AR: variants seen among roughly 807,000 people sequenced by gnomAD.
The protein encoded by AR is dihydrotestosterone receptor.
AR carries 8 observed loss-of-function variants against 53.9 expected under a neutral mutation model. The ratio of observed to expected loss-of-function variants is 0.15; its 90% CI spans 0.09 to 0.27. AR has a LOEUF of 0.27. Among genes scored for constraint, AR ranks in the 10% least tolerant of loss-of-function variants. The pLI is 1.00. For missense variants in AR, 639 were observed against 742.5 expected (o/e 0.86, Z 1.62); for synonymous variants, 359 against 316.4 (o/e 1.13, Z -1.43).
chrX:67,707,540 C>T (rs764490988), intron 3 of AR, among the ~76,000 whole-genome samples: 3 of 111,701 alleles, frequency 2.7e-5, no homozygotes, highest in Non-Finnish European at 5.6e-5. Context: ...TGTCTCTGCA[C>T]ATGAGATGGG....
At chrX:67,630,966 C>T (rs1423928138) in intron 1 of AR, among the ~76,000 whole-genome samples, 2 of 111,030 alleles carry the variant, frequency 1.8e-5, no homozygotes, top group Admixed American at 9.6e-5. Context: ...TGAATATTGG[C>T]CCCTACTCTC....
At chrX:67,620,302 G>A (rs1924311199) in intron 1 of AR, among the ~76,000 whole-genome samples, 1 of 109,485 alleles carries the variant, frequency 9.1e-6, no homozygotes, top group South Asian at 3.9e-4. Flanking sequence ...TTTTGGGTAA[G>A]GGCAAGTGGT....
At chrX:67,578,121 C>T (rs1339282960) in intron 1 of AR, among the ~76,000 whole-genome samples, 2 of 111,524 alleles carry the variant, frequency 1.8e-5, no homozygotes, top group Non-Finnish European at 3.8e-5. Context: ...AAGCTCTATA[C>T]TTTGTGTTGT....
intron 1 of AR, among the ~76,000 whole-genome samples, chrX:67,626,236 A>T (rs948302269): frequency 1.1e-4 from 12 of 110,164 alleles, no homozygotes; most frequent in African/African-American, 1.6e-4. Flanking sequence ...ACTTCGTAGC[A>T]TCTGGTAACC....
intron 5 of AR, among the ~76,000 whole-genome samples, 181 bp from the exon 6 acceptor site, chrX:67,721,652 A>G (rs1270578093): frequency 2.7e-5 from 3 of 111,787 alleles, no homozygotes; most frequent in Non-Finnish European, 3.8e-5. Context: ...CAGAGAGAGA[A>G]AAAAAACAAA....
At chrX:67,555,611 A>G (rs771797950) in intron 1 of AR, among the ~76,000 whole-genome samples, 7 of 112,463 alleles carry the variant, frequency 6.2e-5, no homozygotes, top group Non-Finnish European at 1.3e-4. Flanking sequence ...ATCCTGATGA[A>G]TTGCACAAAC....
chrX:67,575,462 TCGTATGATATG>T (rs1414700388), intron 1 of AR, among the ~76,000 whole-genome samples: 2 of 111,722 alleles, frequency 1.8e-5, no homozygotes, highest in Non-Finnish European at 3.8e-5. Context: ...CTGTATGGAA[TCGTATGATATG>T]CGGATACACC....
chrX:67,722,891 A>G lies in AR; in HGVS notation c.2514A>G (p.Glu838=), dbSNP rs923113068. The G allele has an allele frequency of 8.3e-7, 1 of 1,207,961 alleles. No homozygotes were observed. Among genetic ancestry groups the G allele is most frequent in the East Asian group, 3.0e-5 (1 of 33,667 alleles). The part of the protein sequence containing the change: ...FDELRMNYIK[E]LDRIIACKRK... ...AACTTCGAATGAACTACATCAAGGAACTCGATCGTATCATTGCATGCAAAA... is the reference window on the plus strand; with the variant it reads ...AACTTCGAATGAACTACATCAAGGAGCTCGATCGTATCATTGCATGCAAAA... Residue 838 remains glutamate, a synonymous_variant, in exon 7 of 8, where the codon GAA becomes GAG. Coordinates refer to ENST00000374690, the MANE Select transcript of AR (RefSeq NM_000044.6).
In AR at chrX:67,555,182, T is replaced by A. The variant is rs1930147122; in HGVS notation, c.1616+8420T>A. Among the ~76,000 whole-genome samples, 5 of 110,790 alleles carry A rather than the reference T, an allele frequency of 4.5e-5. No homozygotes were observed. In the South Asian group the frequency reaches 1.9e-3, roughly 42 times the overall value. ...ATTGTACGGTATGGATTTCTTAAAA[T>A]GTAGATATTTTAAAAAAAAAGAGGA... is the stretch of plus-strand genomic sequence containing the variant. On this transcript the variant is annotated intron_variant, in intron 1 of 7. Coordinates refer to ENST00000374690, the MANE Select transcript of AR (RefSeq NM_000044.6).
chrX:67,667,250 G>A (rs1927315092), intron 2 of AR, among the ~76,000 whole-genome samples: 1 of 111,576 alleles, frequency 9.0e-6, no homozygotes, highest in Non-Finnish European at 1.9e-5. Context: ...CTGAGAGATA[G>A]GGCTCTAGTT....
chrX:67,652,029 G>T (rs1185248600), intron 2 of AR, among the ~76,000 whole-genome samples: 1 of 111,416 alleles, frequency 9.0e-6, no homozygotes, highest in Non-Finnish European at 1.9e-5. Flanking sequence ...ATGGTTCCTT[G>T]GCTCTTTGGT....
At position 67,723,826 on chromosome X, in the gene AR, T is replaced by C; in HGVS notation, c.2748T>C (p.Tyr916=). ...TTTCTGGGAAAGTCAAGCCCATCTA[T>C]TTCCACACCCAGTGAAGCATTGGAA... The part of the protein sequence containing the change: ...KILSGKVKPI[Y]FHTQ The change falls in exon 8 of 8, where the codon TAT becomes TAC. Residue 916 remains tyrosine (Y), a synonymous_variant. Transcript: ENST00000374690. 1 of 1,210,467 alleles carries C rather than the reference T, an allele frequency of 8.3e-7. No homozygotes were observed. Among genetic ancestry groups the C allele is most frequent in the Non-Finnish European group, 1.1e-6 (1 of 895,330 alleles).
intron 1 of AR, among the ~76,000 whole-genome samples, chrX:67,628,145 TTAAAG>T (rs1924806586): frequency 9.0e-6 from 1 of 111,124 alleles, no homozygotes; most frequent in African/African-American, 3.3e-5. Flanking sequence ...CATATGAACT[TTAAAG>T]TAGTTTTTTC....
intron 2 of AR, among the ~76,000 whole-genome samples, chrX:67,661,338 T>C (rs1334822022): frequency 1.8e-5 from 2 of 111,201 alleles, no homozygotes; most frequent in Admixed American, 9.6e-5. Flanking sequence ...CAGTATGATA[T>C]TGGCTGTGGG....
At chrX:67,688,134 A>T (rs1273926989) in intron 3 of AR, among the ~76,000 whole-genome samples, 2 of 111,791 alleles carry the variant, frequency 1.8e-5, no homozygotes, top group Non-Finnish European at 3.8e-5. Flanking sequence ...CCTTCATTTC[A>T]GTTGCAGGCC....
chrX:67,640,077 A>C (rs781333280), intron 1 of AR, among the ~76,000 whole-genome samples: 1 of 111,656 alleles, frequency 9.0e-6, no homozygotes, highest in Non-Finnish European at 1.9e-5. Context: ...TGAGATAATC[A>C]TATGGTTTTG....
intron 3 of AR, among the ~76,000 whole-genome samples, chrX:67,691,096 T>C: frequency 8.9e-6 from 1 of 112,496 alleles, no homozygotes; most frequent in Non-Finnish European, 1.9e-5. Flanking sequence ...ACAAATGTTT[T>C]GTTGATGAGG....
At chrX:67,677,828 C>G (rs948900837) in intron 2 of AR, among the ~76,000 whole-genome samples, 2 of 110,988 alleles carry the variant, frequency 1.8e-5, no homozygotes, top group Non-Finnish European at 1.9e-5. Flanking sequence ...ATTAGATGAT[C>G]TCCATAGAGG....
chrX:67,674,314 G>A lies in AR; in HGVS notation c.1769-11696G>A, dbSNP rs1465466878. On this transcript the variant is annotated intron_variant, in intron 2 of 7. Coordinates refer to ENST00000374690, the MANE Select transcript of AR (RefSeq NM_000044.6). ...CAAAGCTGGCACAGCACTGAGTCTCGCCCAACGCCCACAGAGACCACTCCC... is the reference window on the plus strand; with the variant it reads ...CAAAGCTGGCACAGCACTGAGTCTCACCCAACGCCCACAGAGACCACTCCC... 3.7e-5 allele frequency among the ~76,000 whole-genome samples: 4 copies of A among 109,546 alleles called. No individual in the cohort carries two copies. In the East Asian group the frequency reaches 8.7e-4, roughly 24 times the overall value.
Sources: allele counts gnomAD v4.1 joint callset (sites outside exome capture counted in the v4.1 genomes callset), GRCh38; gene constraint gnomAD v4.1.1; transcripts MANE v1.5; gene names NCBI Gene and HGNC (gene_info 2026-07-23, HGNC 2026-07-21).